The following CADPS variants were observed in gnomAD, a reference collection of about 807,000 sequenced individuals.
CADPS encodes the protein calcium-dependent secretion activator 1.
Under a neutral mutation model 167.3 loss-of-function variants are expected in CADPS, and 57 were observed. The observed-to-expected ratio is 0.34, with a 90% CI of 0.28 to 0.42. The LOEUF is 0.42. CADPS is among the 20% of genes least tolerant of loss of function. The probability of loss-of-function intolerance (pLI) is 1.00; values close to 1 mark genes in which losing one functional copy is unlikely to be tolerated. For synonymous variants in CADPS, 676 were observed against 635.3 expected (o/e 1.06, Z -0.96); for missense variants, 1,414 against 1,738.1 (o/e 0.81, Z 3.32).
chr3:62,665,551 G>T (rs2074251134), intron 3 of CADPS, among the ~76,000 whole-genome samples: 5 of 152,244 alleles, frequency 3.3e-5, no homozygotes, highest in Admixed American at 2.6e-4. Flanking sequence ...GCCTTGTTTG[G>T]TTTTCTAATT....
intron 1 of CADPS, among the ~76,000 whole-genome samples, chr3:62,813,992 C>T (rs1251633113): frequency 1.3e-5 from 2 of 152,102 alleles, no homozygotes; most frequent in Non-Finnish European, 2.9e-5. Flanking sequence ...GGCCATATAT[C>T]TCTCTTATCT....
chr3:62,515,721 C>T (rs1479675656), intron 16 of CADPS, among the ~76,000 whole-genome samples: 1 of 152,078 alleles, frequency 6.6e-6, no homozygotes, highest in African/African-American at 2.4e-5. Context: ...AAGAAGGGGG[C>T]AATTCTACAG....
intron 1 of CADPS, among the ~76,000 whole-genome samples, chr3:62,803,957 C>G (rs1408426352): frequency 1.6e-4 from 24 of 152,148 alleles, no homozygotes; most frequent in Admixed American, 1.6e-3. Flanking sequence ...CCCTTTCCCA[C>G]ATTTCTTTTG....
At chr3:62,671,102 A>G (rs762271951) in intron 3 of CADPS, among the ~76,000 whole-genome samples, 6 of 152,180 alleles carry the variant, frequency 3.9e-5, no homozygotes, top group Non-Finnish European at 8.8e-5. Context: ...GCAAAGTGGG[A>G]GTCCTAACAG....
Position 62,474,170 on chromosome 3 carries a change from T to TTTTTTTTTTTTTAAA in CADPS, c.3477+2_3477+3insTTTAAAAAAAAAAAA. ...AAATCTGTATTTTTTTTTTTTTTTT[T>TTTTTTTTTTTTTAAA]ACCTCTTGGCCCATTTCCATGCTGC... On this transcript the variant is annotated splice_region_variant and intron_variant, in intron 24 of 29. Coordinates refer to ENST00000383710, the MANE Select transcript of CADPS (RefSeq NM_003716.4). 1.4e-6 allele frequency: 2 copies of TTTTTTTTTTTTTAAA among 1,475,398 alleles called. No homozygotes were observed. The highest frequency in any genetic ancestry group is 1.8e-6 in the Non-Finnish European group (2 of 1,105,888). 91.4% of individuals were successfully genotyped at this position (1,475,398 alleles called of 1,614,324 possible). A position where few individuals can be genotyped will look rare whatever the true frequency, so the allele number is the denominator to read the frequency against.
At chr3:62,414,659 G>T (rs2049659140) in intron 28 of CADPS, among the ~76,000 whole-genome samples, 1 of 152,166 alleles carries the variant, frequency 6.6e-6, no homozygotes, top group South Asian at 2.1e-4. Flanking sequence ...TTGGGGTCTG[G>T]GAATAGAAAT....
At chr3:62,768,583 T>G (rs1037616964) in intron 1 of CADPS, among the ~76,000 whole-genome samples, 1 of 152,160 alleles carries the variant, frequency 6.6e-6, no homozygotes, top group African/African-American at 2.4e-5. Context: ...TGCCCAGCCC[T>G]GCACCAGACA....
intron 9 of CADPS, among the ~76,000 whole-genome samples, chr3:62,560,029 A>G (rs1194615656): frequency 1.4e-5 from 2 of 139,326 alleles, no homozygotes; most frequent in Middle Eastern, 4.3e-3. Context: ...GGAGAGCTGT[A>G]TGCTGATGCC....
intron 28 of CADPS, among the ~76,000 whole-genome samples, chr3:62,408,192 T>G (rs1197953667): frequency 1.3e-5 from 2 of 152,284 alleles, no homozygotes; most frequent in East Asian, 3.9e-4. Context: ...CATAAAATAT[T>G]TATTCTCTAA....
At chr3:62,672,813 T>A (rs1312562338) in intron 3 of CADPS, among the ~76,000 whole-genome samples, 1 of 151,954 alleles carries the variant, frequency 6.6e-6, no homozygotes, top group Non-Finnish European at 1.5e-5. Context: ...AGAGACGGGG[T>A]CATGCTACGT....
At chr3:62,429,029 T>C (rs2053382580) in intron 28 of CADPS, among the ~76,000 whole-genome samples, 1 of 152,228 alleles carries the variant, frequency 6.6e-6, no homozygotes, top group South Asian at 2.1e-4. Context: ...TTGTGTGTAG[T>C]AGAATCATTT....
At chr3:62,424,915 A>G (rs1367460065) in intron 28 of CADPS, among the ~76,000 whole-genome samples, 2 of 152,202 alleles carry the variant, frequency 1.3e-5, no homozygotes, top group African/African-American at 2.4e-5. Flanking sequence ...TATTTAACAA[A>G]TGGTTATTGA....
chr3:62,797,505 T>A (rs1559669426), intron 1 of CADPS, among the ~76,000 whole-genome samples: 7 of 152,200 alleles, frequency 4.6e-5, no homozygotes, highest in Admixed American at 1.3e-4. Context: ...CCTGATCATG[T>A]CCTTTGCAGA....
chr3:62,705,798 C>T (rs1249107424), intron 3 of CADPS, among the ~76,000 whole-genome samples: 1 of 152,106 alleles, frequency 6.6e-6, no homozygotes, highest in Non-Finnish European at 1.5e-5. Flanking sequence ...TAATAAACTC[C>T]CTTTTATATA....
intron 23 of CADPS, among the ~76,000 whole-genome samples, chr3:62,476,104 A>C (rs947735827): frequency 6.6e-6 from 1 of 152,190 alleles, no homozygotes; most frequent in African/African-American, 2.4e-5. Context: ...CCTGATATAG[A>C]CTAGACTAGA....
intron 3 of CADPS, among the ~76,000 whole-genome samples, chr3:62,720,708 T>C (rs1029631897): frequency 4.6e-5 from 7 of 152,080 alleles, no homozygotes; most frequent in African/African-American, 1.2e-4. Context: ...AAGCAAATTA[T>C]GCAAAATCAG....
At chr3:62,608,616 G>A (rs1301345342) in intron 6 of CADPS, among the ~76,000 whole-genome samples, 2 of 151,966 alleles carry the variant, frequency 1.3e-5, no homozygotes, top group Admixed American at 6.6e-5. Context: ...AGCTGATATA[G>A]GTTAAATTTA....
chr3:62,400,581 C>A (rs961257013), intron 29 of CADPS, among the ~76,000 whole-genome samples: 1 of 131,600 alleles, frequency 7.6e-6, no homozygotes, highest in African/African-American at 2.8e-5. Context: ...CCACTCCCAT[C>A]ATTCTTTCTT....
chr3:62,512,895 GT>G, intron 16 of CADPS, 127 bp from the exon 17 acceptor site: 9 of 712,608 alleles, frequency 1.3e-5, no homozygotes, highest in South Asian at 3.4e-5. Flanking sequence ...GAAAGAAAAG[GT>G]TGCCCTTGGG....
Sources: gnomAD v4.1 joint callset for allele counts (sites outside exome capture counted in the v4.1 genomes callset) on GRCh38, gnomAD v4.1.1 for gene constraint, MANE v1.5 for transcripts, NCBI Gene and HGNC (gene_info 2026-07-23, HGNC 2026-07-21) for gene names.